SHROOM4: variants seen among roughly 807,000 people sequenced by gnomAD.
The protein encoded by SHROOM4 is protein Shroom4.
SHROOM4 carries 17 observed loss-of-function variants against 80.3 expected under a neutral mutation model. The ratio of observed to expected loss-of-function variants is 0.21; its 90% CI spans 0.14 to 0.32. SHROOM4 has a LOEUF of 0.32. Among genes scored for constraint, SHROOM4 ranks in the 10% least tolerant of loss-of-function variants. The probability of loss-of-function intolerance (pLI) is 1.00; values close to 1 mark genes in which losing one functional copy is unlikely to be tolerated. For missense variants in SHROOM4, 993 were observed against 1,140.3 expected (o/e 0.87, Z 1.86); for synonymous variants, 400 against 437.5 (o/e 0.91, Z 1.07).
At chrX:50,695,694 T>C in intron 2 of SHROOM4, 92 bp downstream of exon 2, 2 of 1,007,096 alleles carry the variant, frequency 2.0e-6, no homozygotes, top group African/African-American at 1.9e-5. Flanking sequence ...CTTTCCTTTA[T>C]AATATTGATA....
intron 1 of SHROOM4, among the ~76,000 whole-genome samples, chrX:50,801,167 T>TG (rs1268781843): frequency 9.4e-6 from 1 of 106,171 alleles, no homozygotes; most frequent in Non-Finnish European, 1.9e-5. Context: ...GCTTGATCCC[T>TG]GGGGTCACTG....
intron 1 of SHROOM4, among the ~76,000 whole-genome samples, chrX:50,800,245 G>A (rs782078809): frequency 1.8e-5 from 2 of 112,184 alleles, no homozygotes; most frequent in African/African-American, 6.5e-5. Flanking sequence ...AGTGGAAAGG[G>A]GAAAGATTAC....
chrX:50,702,903 A>T (rs1557263640), intron 1 of SHROOM4, among the ~76,000 whole-genome samples: 1 of 111,849 alleles, frequency 8.9e-6, no homozygotes, highest in Non-Finnish European at 1.9e-5. Flanking sequence ...TTCTCACGAG[A>T]CCTGATGGTT....
At chrX:50,683,836 C>T (rs1557262007) in intron 2 of SHROOM4, among the ~76,000 whole-genome samples, 1 of 111,050 alleles carries the variant, frequency 9.0e-6, no homozygotes, top group Non-Finnish European at 1.9e-5. Context: ...TAAATTAAAT[C>T]ATGGAATGAA....
At chrX:50,615,098 TTGTGTGTG>T (rs58621277) in intron 5 of SHROOM4, among the ~76,000 whole-genome samples, 1,173 of 98,463 alleles carry the variant, frequency 0.012, 13 homozygotes, top group African/African-American at 0.039. Flanking sequence ...GATTCTCTTA[TTGTGTGTG>T]TGTGTGTGTG....
chrX:50,617,681 G>T (rs1219951714), intron 5 of SHROOM4, among the ~76,000 whole-genome samples: 1 of 93,443 alleles, frequency 1.1e-5, no homozygotes, highest in African/African-American at 4.1e-5. Flanking sequence ...AAAAGAACAT[G>T]CCCTTCTAGG....
intron 1 of SHROOM4, among the ~76,000 whole-genome samples, chrX:50,740,332 A>T (rs781904717): frequency 8.9e-5 from 10 of 111,902 alleles, no homozygotes; most frequent in Non-Finnish European, 1.1e-4. Flanking sequence ...AGTATAATTT[A>T]AAAAAACTGT....
chrX:50,678,367 CT>C (rs782479438), intron 2 of SHROOM4, among the ~76,000 whole-genome samples: 19 of 111,584 alleles, frequency 1.7e-4, no homozygotes, highest in African/African-American at 6.2e-4. Context: ...AACAAATTCT[CT>C]CCCCTCTCCA....
At chrX:50,751,773 T>TA (rs1357729365) in intron 1 of SHROOM4, among the ~76,000 whole-genome samples, 2 of 112,164 alleles carry the variant, frequency 1.8e-5, no homozygotes, top group Admixed American at 1.9e-4. Flanking sequence ...TGTTTCTAGC[T>TA]AAACAGTAAG....
chrX:50,766,099 T>A (rs185178588), intron 1 of SHROOM4, among the ~76,000 whole-genome samples: 17 of 111,508 alleles, frequency 1.5e-4, no homozygotes, highest in African/African-American at 5.2e-4. Flanking sequence ...TACATTTTTT[T>A]AATGAATGAA....
In SHROOM4 at chrX:50,633,711, G is replaced by A. The variant is rs1931184202; in HGVS notation, c.2362C>T (p.His788Tyr). Residue 788 changes from histidine to tyrosine, a missense_variant, in exon 4 of 9, where the codon CAT becomes TAT. Transcript: ENST00000376020. The part of the protein sequence containing the change: ...EESSKSLSTS[H>Y]LPGLTTHSNK... Reference sequence around the variant, plus strand: ...CTATGAGTGGTTAAACCTGGCAAATGAGATGTAGATAAGGATTTGCTACTC... The same window carrying A: ...CTATGAGTGGTTAAACCTGGCAAATAAGATGTAGATAAGGATTTGCTACTC... 8.3e-7 allele frequency: 1 copy of A among 1,212,051 alleles called. No homozygotes were observed. Among genetic ancestry groups the A allele is most frequent in the Non-Finnish European group, 1.1e-6 (1 of 895,584 alleles).
At chrX:50,578,853 A>C in the SHROOM4 span, among the ~76,000 whole-genome samples, 738 of 112,082 alleles carry the variant, frequency 6.6e-3, 18 homozygotes, top group Admixed American at 0.049. Context: ...GAGGTCTTCA[A>C]ATTAGAAAGG....
chrX:50,688,767 A>T (rs1476860491), intron 2 of SHROOM4, among the ~76,000 whole-genome samples: 3 of 109,577 alleles, frequency 2.7e-5, no homozygotes, highest in Non-Finnish European at 5.7e-5. Flanking sequence ...CACCTAGTAC[A>T]CTCTATGACA....
intron 1 of SHROOM4, among the ~76,000 whole-genome samples, chrX:50,785,880 T>C (rs1228731348): frequency 8.9e-6 from 1 of 111,741 alleles, no homozygotes; most frequent in Non-Finnish European, 1.9e-5. Flanking sequence ...ATAGTGAATA[T>C]ATTAATAAAA....
At chrX:50,788,334 A>C (rs1310447008) in intron 1 of SHROOM4, among the ~76,000 whole-genome samples, 1 of 112,180 alleles carries the variant, frequency 8.9e-6, no homozygotes, top group African/African-American at 3.2e-5. Flanking sequence ...TACACAAAAG[A>C]AAAAGAGAAA....
intron 1 of SHROOM4, among the ~76,000 whole-genome samples, chrX:50,710,258 A>G (rs1933778483): frequency 8.9e-6 from 1 of 112,003 alleles, no homozygotes; most frequent in Admixed American, 9.5e-5. Context: ...CGACATGGAA[A>G]CCACCTAAGT....
chrX:50,742,003 G>C (rs1187924128), intron 1 of SHROOM4, among the ~76,000 whole-genome samples: 3 of 110,464 alleles, frequency 2.7e-5, no homozygotes, highest in African/African-American at 9.8e-5. Context: ...TTTAGAAAAA[G>C]CTAAAAGATG....
At chrX:50,787,694 A>C (rs1935771936) in intron 1 of SHROOM4, among the ~76,000 whole-genome samples, 1 of 110,405 alleles carries the variant, frequency 9.1e-6, no homozygotes, top group Admixed American at 9.7e-5. Context: ...ATATAAAAGA[A>C]ACCTCCAAAA....
chrX:50,734,776 G>A (rs1312582025), intron 1 of SHROOM4, among the ~76,000 whole-genome samples: 1 of 111,112 alleles, frequency 9.0e-6, no homozygotes, highest in African/African-American at 3.3e-5. Flanking sequence ...GACCCCATGG[G>A]AGATAACTGA....
Sources: allele counts gnomAD v4.1 joint callset (sites outside exome capture counted in the v4.1 genomes callset), GRCh38; gene constraint gnomAD v4.1.1; transcripts MANE v1.5; gene names NCBI Gene and HGNC (gene_info 2026-07-23, HGNC 2026-07-21).